The following GPATCH8 variants were observed in gnomAD, a reference collection of about 807,000 sequenced individuals.
GPATCH8 encodes the protein G-patch domain containing 8, also known as G patch domain-containing protein 8.
In GPATCH8, 18 loss-of-function variants were observed where a neutral mutation model predicts 118.3. The ratio of observed to expected loss-of-function variants is 0.15; its 90% CI spans 0.11 to 0.23. GPATCH8 has a LOEUF of 0.23. GPATCH8 is among the 10% of genes least tolerant of loss of function. The pLI, the probability that GPATCH8 is intolerant of heterozygous loss-of-function variation, is 1.00. For synonymous variants in GPATCH8, 659 were observed against 684.7 expected (o/e 0.96, Z 0.59); for missense variants, 1,631 against 1,873.8 (o/e 0.87, Z 2.39).
chr17:44,467,542 A>T (rs1027415083), intron 2 of GPATCH8, among the ~76,000 whole-genome samples: 1 of 152,152 alleles, frequency 6.6e-6, no homozygotes. Context: ...TGCCACTCTA[A>T]GTCCTTCCAA....
chr17:44,464,648 T>C (rs1458749182), intron 2 of GPATCH8, 104 bp from the exon 3 acceptor site: 1 of 787,856 alleles, frequency 1.3e-6, no homozygotes, highest in Non-Finnish European at 2.3e-6. Context: ...CTTCTACATA[T>C]ATGCATGCAA....
chr17:44,418,848 A>G (rs1318741069), intron 6 of GPATCH8, among the ~76,000 whole-genome samples: 2 of 152,212 alleles, frequency 1.3e-5, no homozygotes, highest in African/African-American at 2.4e-5. Flanking sequence ...GGAAAGGCCT[A>G]CTCTTAGAGA....
chr17:44,436,394 T>A, intron 4 of GPATCH8, 84 bp downstream of exon 4: 1 of 776,862 alleles, frequency 1.3e-6, no homozygotes, highest in Non-Finnish European at 2.4e-6. Flanking sequence ...CTGATAAATG[T>A]ATTCTTGCAC....
intron 3 of GPATCH8, among the ~76,000 whole-genome samples, chr17:44,440,717 T>C (rs920379584): frequency 2.6e-5 from 4 of 152,228 alleles, no homozygotes. Flanking sequence ...CCACTGATTA[T>C]CACAGCCACT....
chr17:44,439,479 C>T (rs2050616452), intron 3 of GPATCH8, among the ~76,000 whole-genome samples: 1 of 152,136 alleles, frequency 6.6e-6, no homozygotes, highest in Admixed American at 6.5e-5. Context: ...GTATGACTTT[C>T]AAAGCAATCT....
At chr17:44,492,440 T>C (rs1250090949) in intron 1 of GPATCH8, among the ~76,000 whole-genome samples, 126 of 119,686 alleles carry the variant, frequency 1.1e-3, no homozygotes, top group African/African-American at 1.3e-3. Flanking sequence ...GGCGTGGTGG[T>C]GGGCTCCTGT....
intron 1 of GPATCH8, among the ~76,000 whole-genome samples, chr17:44,501,194 C>T (rs756584903): frequency 5.9e-5 from 9 of 152,010 alleles, no homozygotes; most frequent in Admixed American, 4.6e-4. Flanking sequence ...CCGAGGCAGG[C>T]GGATCACGAG....
At chr17:44,498,328 T>C (rs1362083489) in intron 1 of GPATCH8, among the ~76,000 whole-genome samples, 1 of 152,218 alleles carries the variant, frequency 6.6e-6, no homozygotes, top group African/African-American at 2.4e-5. Flanking sequence ...CTCCCATGCC[T>C]ACTTTGAAAA....
At chr17:44,434,065 G>A (rs113556640) in intron 5 of GPATCH8, among the ~76,000 whole-genome samples, 10 of 151,908 alleles carry the variant, frequency 6.6e-5, no homozygotes, top group Admixed American at 2.0e-4. Context: ...ACTTGAACCC[G>A]GGAGCAGTGA....
intron 3 of GPATCH8, among the ~76,000 whole-genome samples, chr17:44,452,272 CAAAAAAAAAAAAAAAAA>C (rs2051141835): frequency 4.6e-5 from 2 of 43,532 alleles, no homozygotes; most frequent in African/African-American, 1.3e-4. Context: ...CACTCCGTCT[CAAAAAAAAAAAAAAAAA>C]GAAAAAAAAA....
chr17:44,457,527 A>T (rs2051379809), intron 3 of GPATCH8, among the ~76,000 whole-genome samples: 1 of 152,262 alleles, frequency 6.6e-6, no homozygotes, highest in African/African-American at 2.4e-5. Flanking sequence ...CAGTATCAAC[A>T]AACGGAATGT....
intron 1 of GPATCH8, among the ~76,000 whole-genome samples, chr17:44,496,566 A>C (rs894829240): frequency 6.6e-6 from 1 of 152,234 alleles, no homozygotes; most frequent in African/African-American, 2.4e-5. Context: ...AGTGACACGC[A>C]CACAGGAATT....
At chr17:44,424,883 T>C (rs1378807043) in intron 5 of GPATCH8, among the ~76,000 whole-genome samples, 3 of 152,208 alleles carry the variant, frequency 2.0e-5, no homozygotes, top group Non-Finnish European at 2.9e-5. Context: ...CTGTAGCCAA[T>C]GATGGAGTTA....
chr17:44,399,756 C>T lies in GPATCH8; in HGVS notation c.2321G>A (p.Gly774Asp), dbSNP rs771534396. 6 of 1,613,912 alleles carry T rather than the reference C, an allele frequency of 3.7e-6. No individual in the cohort carries two copies. Among genetic ancestry groups the T allele is most frequent in the South Asian group, 3.3e-5 (3 of 91,062 alleles). ...ACCATGGTCTTGGGAGCTGCTACCA[C>T]CCCCACCTTCATCCTTTTTGCCACT... ...GSSGKKDEGG[G>D]GSSSQDHGGR... The change falls in exon 8 of 8, where the codon GGT (glycine) becomes GAT (aspartate). Residue 774 changes from glycine (G) to aspartate (D), a missense_variant. By Grantham distance (94) the Gly-to-Asp change is moderately conservative. This residue lies in a region of GPATCH8 where 922 missense variants were observed against 879.7 expected (regional missense o/e 1.05). Coordinates refer to ENST00000591680, the MANE Select transcript of GPATCH8 (RefSeq NM_001002909.4).
At chr17:44,470,699 A>T (rs1203230349) in intron 2 of GPATCH8, among the ~76,000 whole-genome samples, 1 of 152,016 alleles carries the variant, frequency 6.6e-6, no homozygotes, top group Non-Finnish European at 1.5e-5. Context: ...TAGTAGAGAC[A>T]GGGTTTCACC....
intron 3 of GPATCH8, among the ~76,000 whole-genome samples, chr17:44,445,070 T>A (rs939142466): frequency 6.6e-6 from 1 of 152,200 alleles, no homozygotes; most frequent in Non-Finnish European, 1.5e-5. Flanking sequence ...TCAAAAAATA[T>A]GTAAACTTTT....
chr17:44,480,423 A>G (rs1430913150), intron 1 of GPATCH8, among the ~76,000 whole-genome samples: 2 of 152,106 alleles, frequency 1.3e-5, no homozygotes, highest in Non-Finnish European at 2.9e-5. Context: ...CTACTAAAAA[A>G]TACAAAAATT....
intron 5 of GPATCH8, among the ~76,000 whole-genome samples, chr17:44,428,127 C>G (rs991429888): frequency 6.6e-6 from 1 of 151,358 alleles, no homozygotes; most frequent in African/African-American, 2.4e-5. Context: ...ACCAAAAATA[C>G]AAAAAATTAG....
In GPATCH8 at chr17:44,400,954, A is replaced by G. The variant is rs778357994; in HGVS notation, c.1123T>C (p.Ser375Pro). The change falls in exon 8 of 8, where the codon TCC (serine) becomes CCC (proline). Residue 375 changes from serine to proline, a missense_variant. By Grantham distance (74) the Ser-to-Pro change is moderately conservative. Around this residue, in one of 8 missense-constraint regions of GPATCH8, gnomAD observed 405 missense variants for 462.7 expected, o/e 0.88. Transcript: ENST00000591680. ...TCTCGTTTCATCCTTTTTAATTTGG[A>G]TAATGTTGAGGCAAGGGACCCTCCA... ...QDGGSLASTL[S>P]KLKRMKREEG... The G allele has an allele frequency of 1.2e-6, 2 of 1,613,986 alleles. No homozygotes were observed. Among genetic ancestry groups the G allele is most frequent in the South Asian group, 1.1e-5 (1 of 91,074 alleles).
Sources: allele counts gnomAD v4.1 joint callset (sites outside exome capture counted in the v4.1 genomes callset), GRCh38; gene constraint gnomAD v4.1.1; regional missense constraint gnomAD v4.1.1; transcripts MANE v1.5; gene names NCBI Gene and HGNC (gene_info 2026-07-23, HGNC 2026-07-21).